The following SLC36A1 variants were observed in gnomAD, a reference collection of about 807,000 sequenced individuals.
The protein encoded by SLC36A1 is solute carrier family 36 member 1, also known as proton-coupled amino acid transporter 1.
In SLC36A1, 30 loss-of-function variants were observed where a neutral mutation model predicts 47.5. That is an observed-to-expected ratio of 0.63 (90% CI 0.47 to 0.86). SLC36A1 has a LOEUF of 0.86. SLC36A1 is among the 40% of genes least tolerant of loss of function. SLC36A1 has a pLI of 0.00. For missense variants in SLC36A1, 517 were observed against 606.0 expected (o/e 0.85, Z 1.54); for synonymous variants, 255 against 249.7 (o/e 1.02, Z -0.20).
At chr5:151,471,455 C>T (rs1425072237) in intron 7 of SLC36A1, among the ~76,000 whole-genome samples, 2 of 152,186 alleles carry the variant, frequency 1.3e-5, no homozygotes, top group African/African-American at 4.8e-5. Context: ...GTGAAATTCC[C>T]AGTCTGATAC....
chr5:151,498,887 A>G, the SLC36A1 span, among the ~76,000 whole-genome samples: 2 of 151,884 alleles, frequency 1.3e-5, no homozygotes, highest in African/African-American at 4.8e-5. Flanking sequence ...CAATGCTGTC[A>G]CCTCCCTCCT....
chr5:151,506,081 G>A, the SLC36A1 span: 3 of 1,523,524 alleles, frequency 2.0e-6, no homozygotes, highest in Non-Finnish European at 2.6e-6. Context: ...GCCAGACCAT[G>A]GCTCCGCCAG....
the SLC36A1 span, among the ~76,000 whole-genome samples, chr5:151,415,712 A>G: frequency 6.6e-6 from 1 of 152,192 alleles, no homozygotes; most frequent in African/African-American, 2.4e-5. Flanking sequence ...TGCTCAGCCT[A>G]TAGTGGCTAC....
the SLC36A1 span, among the ~76,000 whole-genome samples, chr5:151,377,586 A>T: frequency 5.9e-3 from 887 of 151,448 alleles, 4 homozygotes; most frequent in Non-Finnish European, 0.01. Flanking sequence ...TGACCTCGTG[A>T]TCCGCCCGTC....
the SLC36A1 span, chr5:151,521,709 C>G: frequency 6.2e-7 from 1 of 1,613,946 alleles, no homozygotes; most frequent in Non-Finnish European, 8.5e-7. Flanking sequence ...ACATGGCCTG[C>G]TGCAGAGCCT....
chr5:151,401,269 TA>T, the SLC36A1 span, among the ~76,000 whole-genome samples: 1 of 152,206 alleles, frequency 6.6e-6, no homozygotes, highest in African/African-American at 2.4e-5. Flanking sequence ...ACCTCTTATT[TA>T]TTGAATAGGG....
At chr5:151,522,050 T>C in the SLC36A1 span, 2 of 1,604,676 alleles carry the variant, frequency 1.2e-6, no homozygotes, top group African/African-American at 1.3e-5. Context: ...CGGACAGACG[T>C]CAAAGACGAG....
the SLC36A1 span, among the ~76,000 whole-genome samples, chr5:151,361,668 C>T: frequency 6.6e-6 from 1 of 152,110 alleles, no homozygotes; most frequent in South Asian, 2.1e-4. Context: ...TTACTTTTAT[C>T]AGTAGGTTTT....
chr5:151,397,198 C>T, the SLC36A1 span, among the ~76,000 whole-genome samples: 1 of 152,232 alleles, frequency 6.6e-6, no homozygotes, highest in South Asian at 2.1e-4. Context: ...AGACAGCTCT[C>T]AGCTGAAGCT....
chr5:151,555,084 A>T, the SLC36A1 span, among the ~76,000 whole-genome samples: 1 of 152,212 alleles, frequency 6.6e-6, no homozygotes, highest in African/African-American at 2.4e-5. Context: ...TTTGAGTCAG[A>T]CATGTGCACG....
At chr5:151,371,090 A>G in the SLC36A1 span, among the ~76,000 whole-genome samples, 1 of 152,180 alleles carries the variant, frequency 6.6e-6, no homozygotes, top group African/African-American at 2.4e-5. Context: ...ACTAGACGTC[A>G]GTAGCACACC....
the SLC36A1 span, among the ~76,000 whole-genome samples, chr5:151,534,958 C>T: frequency 2.2e-5 from 2 of 90,530 alleles, no homozygotes; most frequent in African/African-American, 3.8e-5. Flanking sequence ...TTCGTAATTC[C>T]ACTTCTAGGA....
intron 3 of SLC36A1, 72 bp downstream of exon 3, chr5:151,463,715 T>A: frequency 8.5e-7 from 1 of 1,182,698 alleles, no homozygotes; most frequent in Non-Finnish European, 1.3e-6. Context: ...TGTTAAAATG[T>A]ACTTGCTTTA....
chr5:151,538,843 A>ATTT, the SLC36A1 span, among the ~76,000 whole-genome samples: 413 of 143,886 alleles, frequency 2.9e-3, 4 homozygotes, highest in African/African-American at 0.01. Flanking sequence ...CACCTGGCTA[A>ATTT]TTTTTTTTTT....
At chr5:151,496,339 T>G (rs1326098874), downstream of SLC36A1, among the ~76,000 whole-genome samples, 1 of 152,232 alleles carries the variant, frequency 6.6e-6, no homozygotes, top group African/African-American at 2.4e-5. Flanking sequence ...TAAACCTCTT[T>G]CTTTTGTAAA....
At chr5:151,486,670 G>A (rs918777862) in intron 10 of SLC36A1, among the ~76,000 whole-genome samples, 1 of 152,192 alleles carries the variant, frequency 6.6e-6, no homozygotes, top group Admixed American at 6.5e-5. Flanking sequence ...AATGAACTTA[G>A]AAGCAAACCT....
chr5:151,551,321 G>A, the SLC36A1 span: 1 of 810,044 alleles, frequency 1.2e-6, no homozygotes, highest in Non-Finnish European at 2.0e-6. Flanking sequence ...CACAGAAGTA[G>A]AGAGTGTATT....
chr5:151,480,804 T>C (rs1758692360), intron 10 of SLC36A1, among the ~76,000 whole-genome samples: 1 of 152,226 alleles, frequency 6.6e-6, no homozygotes, highest in African/African-American at 2.4e-5. Flanking sequence ...GTATTTATAA[T>C]GTAAACTCTG....
intron 3 of SLC36A1, 103 bp downstream of exon 3, chr5:151,463,746 C>G: frequency 1.1e-6 from 1 of 887,272 alleles, no homozygotes; most frequent in Non-Finnish European, 1.8e-6. Flanking sequence ...AATAGAGAAG[C>G]ATTTTAAAAA....
Sources: gnomAD v4.1 joint callset for allele counts (sites outside exome capture counted in the v4.1 genomes callset) on GRCh38, gnomAD v4.1.1 for gene constraint, MANE v1.5 for transcripts, NCBI Gene and HGNC (gene_info 2026-07-23, HGNC 2026-07-21) for gene names.